Variants in CDK6 observed in about 807,000 individuals in gnomAD.
CDK6 encodes the protein cyclin-dependent kinase 6.
A neutral mutation model predicts 37.1 loss-of-function variants in CDK6; 6 were observed. The ratio of observed to expected loss-of-function variants is 0.16; its 90% CI spans 0.09 to 0.32. The LOEUF is 0.32. Among genes scored for constraint, CDK6 ranks in the 10% least tolerant of loss-of-function variants. The pLI, the probability that CDK6 is intolerant of heterozygous loss-of-function variation, is 1.00. For synonymous variants in CDK6, 160 were observed against 161.3 expected (o/e 0.99, Z 0.06); for missense variants, 224 against 418.9 (o/e 0.53, Z 4.06).
intron 3 of CDK6, among the ~76,000 whole-genome samples, chr7:92,773,965 T>A (rs1399914826): frequency 1.3e-5 from 2 of 152,178 alleles, no homozygotes; most frequent in South Asian, 2.1e-4. Context: ...GACCCGCACA[T>A]GATGTGTATA....
intron 2 of CDK6, among the ~76,000 whole-genome samples, chr7:92,780,774 A>C (rs887606522): frequency 6.6e-6 from 1 of 151,490 alleles, no homozygotes; most frequent in African/African-American, 2.4e-5. Flanking sequence ...AAAAAAAAAA[A>C]AAAAACAAAA....
intron 3 of CDK6, among the ~76,000 whole-genome samples, chr7:92,764,612 G>A (rs1799534617): frequency 6.6e-6 from 1 of 152,264 alleles, no homozygotes; most frequent in East Asian, 1.9e-4. Context: ...GCTTCTAGAG[G>A]GTGATGATGA....
At chr7:92,806,136 TAA>T (rs1031968777) in intron 2 of CDK6, among the ~76,000 whole-genome samples, 14 of 152,344 alleles carry the variant, frequency 9.2e-5, no homozygotes, top group Admixed American at 5.2e-4. Context: ...CACAATAAAA[TAA>T]GTTTTTAAAA....
chr7:92,635,705 A>G (rs1178502428), intron 5 of CDK6, among the ~76,000 whole-genome samples: 1 of 152,176 alleles, frequency 6.6e-6, no homozygotes, highest in East Asian at 1.9e-4. Context: ...ATGACTAAAT[A>G]TGCAAGGAAA....
intron 3 of CDK6, among the ~76,000 whole-genome samples, chr7:92,729,529 T>G (rs1285400929): frequency 1.3e-5 from 2 of 152,218 alleles, no homozygotes; most frequent in Admixed American, 1.3e-4. Context: ...TGGAATGAAG[T>G]CTGGCTCCGA....
At chr7:92,672,547 A>G (rs1210454872) in intron 4 of CDK6, among the ~76,000 whole-genome samples, 1 of 150,642 alleles carries the variant, frequency 6.6e-6, no homozygotes, top group African/African-American at 2.4e-5. Flanking sequence ...TTTTCCTGCC[A>G]GGTTGAGGGC....
At chr7:92,713,286 C>T (rs1377374107) in intron 4 of CDK6, among the ~76,000 whole-genome samples, 1 of 152,010 alleles carries the variant, frequency 6.6e-6, no homozygotes, top group Non-Finnish European at 1.5e-5. Flanking sequence ...TATACATAAA[C>T]CTGTAAAGTC....
chr7:92,639,151 T>C (rs933252150), intron 5 of CDK6, among the ~76,000 whole-genome samples: 2 of 152,206 alleles, frequency 1.3e-5, no homozygotes, highest in Non-Finnish European at 2.9e-5. Context: ...CTTGGCGCTT[T>C]GGTGAACACA....
intron 4 of CDK6, among the ~76,000 whole-genome samples, chr7:92,674,895 G>A (rs1261683249): frequency 2.0e-5 from 3 of 152,150 alleles, no homozygotes; most frequent in South Asian, 2.1e-4. Context: ...GCAATGGTGC[G>A]ATCTTGGCTC....
intron 2 of CDK6, among the ~76,000 whole-genome samples, chr7:92,782,426 A>C (rs1370756835): frequency 2.6e-5 from 4 of 152,202 alleles, no homozygotes; most frequent in Non-Finnish European, 4.4e-5. Context: ...TTTTAACAGC[A>C]GGGGCCCACG....
intron 3 of CDK6, among the ~76,000 whole-genome samples, chr7:92,745,097 G>A (rs1799027889): frequency 6.6e-6 from 1 of 151,946 alleles, no homozygotes; most frequent in South Asian, 2.1e-4. Flanking sequence ...AAATCTTAAT[G>A]TACTACTAAA....
At chr7:92,745,080 C>T (rs1799027507) in intron 3 of CDK6, among the ~76,000 whole-genome samples, 2 of 151,848 alleles carry the variant, frequency 1.3e-5, no homozygotes, top group South Asian at 2.1e-4. Context: ...TCCATTTTAT[C>T]GAATCTAAAT....
rs1395846675 is a variant in CDK6, at chr7:92,609,359, A to G, written c.*5781T>C. 1.3e-5 allele frequency: 3 copies of G among 231,722 alleles called. No individual in the cohort carries two copies. Among genetic ancestry groups the G allele is most frequent in the Non-Finnish European group, 2.6e-5 (3 of 117,224 alleles). 14.4% of individuals were successfully genotyped at this position (231,722 alleles called of 1,614,324 possible). A position where few individuals can be genotyped will look rare whatever the true frequency, so the allele number is the denominator to read the frequency against. ...ACTTGTAAATTTAAAAAAAGTATAT[A>G]AAGTTGCCAAAAAACTTCAAAAGTT... On this transcript the variant is annotated 3_prime_UTR_variant, in exon 8 of 8. Coordinates refer to ENST00000424848, the MANE Select transcript of CDK6 (RefSeq NM_001145306.2).
intron 7 of CDK6, 137 bp downstream of exon 7, chr7:92,617,935 G>A: frequency 1.4e-6 from 1 of 720,854 alleles, no homozygotes; most frequent in Non-Finnish European, 2.2e-6. Flanking sequence ...AGGGACTGTT[G>A]CCTCCTGCTC....
At chr7:92,748,205 G>A (rs1799105436) in intron 3 of CDK6, among the ~76,000 whole-genome samples, 1 of 152,140 alleles carries the variant, frequency 6.6e-6, no homozygotes, top group South Asian at 2.1e-4. Context: ...ATTTTCAATA[G>A]TATTTCAAGA....
At chr7:92,790,658 A>G (rs1800258232) in intron 2 of CDK6, among the ~76,000 whole-genome samples, 1 of 152,326 alleles carries the variant, frequency 6.6e-6, no homozygotes, top group South Asian at 2.1e-4. Context: ...AGATACACAT[A>G]AGTGTATACA....
chr7:92,674,935 G>A (rs183434336), intron 4 of CDK6, among the ~76,000 whole-genome samples: 20 of 152,274 alleles, frequency 1.3e-4, no homozygotes, highest in Non-Finnish European at 2.1e-4. Context: ...AGGCTGAAGC[G>A]AGTCTCGTGT....
chr7:92,740,831 A>G (rs184413782), intron 3 of CDK6, among the ~76,000 whole-genome samples: 15 of 152,298 alleles, frequency 9.8e-5, no homozygotes, highest in African/African-American at 2.2e-4. Context: ...CACAAGGCCC[A>G]TATCATCAGA....
intron 4 of CDK6, among the ~76,000 whole-genome samples, chr7:92,702,381 T>C (rs2079146): frequency 0.22 from 33,839 of 151,204 alleles, 5,499 homozygotes; most frequent in East Asian, 0.47. Context: ...TACAGGTGTG[T>C]ACCACCATGC....
Sources: allele counts gnomAD v4.1 joint callset (sites outside exome capture counted in the v4.1 genomes callset), GRCh38; gene constraint gnomAD v4.1.1; transcripts MANE v1.5; gene names NCBI Gene and HGNC (gene_info 2026-07-23, HGNC 2026-07-21).